Variants in PPIL4 observed in about 807,000 individuals in gnomAD.
PPIL4 encodes the protein peptidylprolyl isomerase like 4.
Under a neutral mutation model 69.1 loss-of-function variants are expected in PPIL4, and 50 were observed. The ratio of observed to expected loss-of-function variants is 0.72; its 90% CI spans 0.58 to 0.92. PPIL4 has a LOEUF of 0.92. Among genes scored for constraint, PPIL4 ranks in the 40% least tolerant of loss-of-function variants. PPIL4 has a pLI of 0.00. For synonymous variants in PPIL4, 193 were observed against 191.6 expected, an observed-to-expected ratio of 1.01 and a Z score of -0.06; for missense variants, 480 against 587.9, an observed-to-expected ratio of 0.82 and a Z score of 1.90.
chr6:149,508,905 A>G (rs1228607188), intron 12 of PPIL4, among the ~76,000 whole-genome samples: 1 of 152,228 alleles, frequency 6.6e-6, no homozygotes, highest in Non-Finnish European at 1.5e-5. Context: ...TAAGCAAAAC[A>G]CCGACAAACA....
chr6:149,545,959 A>C lies in PPIL4; in HGVS notation c.47T>G (p.Leu16Trp). 1 of 1,591,070 alleles carries C rather than the reference A, an allele frequency of 6.3e-7. No individual in the cohort carries two copies. Among genetic ancestry groups the C allele is most frequent in the Admixed American group, 1.7e-5 (1 of 58,342 alleles). ...ACCACGCGGCCGTTCTTCGGTGTAC[A>C]AGTCGATGACGACGTCGCCTAAAGT... ...ETTLGDVVID[L>W]YTEERPRACL... Residue 16 changes from leucine to tryptophan, a missense_variant, in exon 1 of 13, where the codon TTG becomes TGG. Coordinates refer to ENST00000253329, the MANE Select transcript of PPIL4 (RefSeq NM_139126.4).
chr6:149,530,366 G>A (rs1232431388), intron 7 of PPIL4, among the ~76,000 whole-genome samples: 1 of 152,084 alleles, frequency 6.6e-6, no homozygotes, highest in Non-Finnish European at 1.5e-5. Flanking sequence ...AAGCAGTTAA[G>A]AAGGGAGGGC....
chr6:149,538,522 C>T (rs952881341), intron 4 of PPIL4, among the ~76,000 whole-genome samples: 51 of 152,110 alleles, frequency 3.4e-4, no homozygotes, highest in African/African-American at 1.2e-3. Flanking sequence ...ATGGTGATTC[C>T]TCTGATGGAT....
At chr6:149,533,168 G>A (rs954449688) in intron 7 of PPIL4, among the ~76,000 whole-genome samples, 33 of 152,214 alleles carry the variant, frequency 2.2e-4, no homozygotes, top group Admixed American at 6.5e-4. Context: ...AATTCAGCCT[G>A]CTAAACACTC....
At chr6:149,509,432 T>C (rs898754985) in intron 12 of PPIL4, among the ~76,000 whole-genome samples, 1 of 152,122 alleles carries the variant, frequency 6.6e-6, no homozygotes, top group South Asian at 2.1e-4. Flanking sequence ...GACGGTTCCA[T>C]GTACAAGTGC....
chr6:149,512,158 A>C lies in PPIL4; in HGVS notation c.1224T>G (p.Asn408Lys). ...DEDYMPIKNT[N>K]QDIYREMGFG... The stretch of plus-strand genomic sequence containing the variant: ...TAAGTCTGGACATTAGAGGTACCTG[A>C]TTAGTATTTTTGATTGGCATGTAGT... The change falls in exon 12 of 13, where the codon AAT becomes AAG. Residue 408 changes from asparagine (N) to lysine (K), a missense_variant. Coordinates refer to ENST00000253329, the MANE Select transcript of PPIL4 (RefSeq NM_139126.4). 6.2e-7 allele frequency: 1 copy of C among 1,603,954 alleles called. No homozygotes were observed. Among genetic ancestry groups the C allele is most frequent in the Non-Finnish European group, 8.5e-7 (1 of 1,175,488 alleles).
intron 1 of PPIL4, among the ~76,000 whole-genome samples, chr6:149,543,863 A>G (rs907095516): frequency 1.1e-4 from 16 of 152,246 alleles, no homozygotes; most frequent in African/African-American, 3.4e-4. Flanking sequence ...GTTCATTTAC[A>G]TGATTCTCTC....
At chr6:149,540,415 G>T (rs1485822225) in intron 4 of PPIL4, among the ~76,000 whole-genome samples, 1 of 152,240 alleles carries the variant, frequency 6.6e-6, no homozygotes, top group Non-Finnish European at 1.5e-5. Flanking sequence ...ACGTGATTGA[G>T]ACCATCGTGG....
chr6:149,505,398 T>A lies in PPIL4; in HGVS notation c.*55A>T. The A allele has an allele frequency of 6.5e-7, 1 of 1,538,368 alleles. No individual in the cohort carries two copies. The highest frequency in any genetic ancestry group is 8.8e-7 in the Non-Finnish European group (1 of 1,139,402). On this transcript the variant is annotated 3_prime_UTR_variant, in exon 13 of 13. Transcript: ENST00000253329. ...ATCTAAGCATCTGCTTTCCTGGCACTCTTAAGTTAGACAAGAGTAAATATG... is the reference window on the plus strand; with the variant it reads ...ATCTAAGCATCTGCTTTCCTGGCACACTTAAGTTAGACAAGAGTAAATATG...
At position 149,525,029 on chromosome 6, in the gene PPIL4, G is replaced by A. The variant is rs945300114; in HGVS notation, c.870+114C>T. The A allele has an allele frequency of 1.5e-4, 80 of 525,464 alleles. No individual in the cohort carries two copies. In the Middle Eastern group the frequency reaches 1.5e-3, roughly 10 times the overall value. The allele number at this position is 525,464 out of a possible 1,614,324, so 32.6% of individuals were successfully genotyped here. ...TAGATACAATAAACTTAATTTTGGG[G>A]AGTGCCAAAAGAAAGGGCAACTCTA... is the stretch of plus-strand genomic sequence containing the variant. On this transcript the variant is annotated intron_variant, in intron 9 of 12. Transcript: ENST00000253329.
chr6:149,509,538 C>T (rs1409951596), intron 12 of PPIL4, among the ~76,000 whole-genome samples: 1 of 152,194 alleles, frequency 6.6e-6, no homozygotes, highest in African/African-American at 2.4e-5. Flanking sequence ...GAATGTGATA[C>T]AGCCACCAGT....
At chr6:149,523,714 A>G (rs114931783) in intron 9 of PPIL4, among the ~76,000 whole-genome samples, 57 of 152,262 alleles carry the variant, frequency 3.7e-4, no homozygotes, top group African/African-American at 1.3e-3. Flanking sequence ...GAAAAAAAAA[A>G]AAGAAGAAAA....
At chr6:149,530,445 G>C (rs753745670) in intron 7 of PPIL4, among the ~76,000 whole-genome samples, 27 of 152,036 alleles carry the variant, frequency 1.8e-4, no homozygotes, top group Non-Finnish European at 2.9e-4. Flanking sequence ...CAGATCACCA[G>C]GTCAGGAGTT....
Position 149,533,566 on chromosome 6 carries a change from T to G in PPIL4, c.570A>C (p.Arg190=), listed in dbSNP as rs1341345929. 6.3e-7 allele frequency: 1 copy of G among 1,593,022 alleles called. No homozygotes were observed. Among genetic ancestry groups the G allele is most frequent in the South Asian group, 1.1e-5 (1 of 90,504 alleles). ...CATCAATTTCTTCATCTGCTCCTAT[T>G]CGACCACTCTGTTAAGACAGAAGTT... The part of the protein sequence containing the change: ...EPTREQLDSG[R]IGADEEIDDF... The change falls in exon 7 of 13, where the codon CGA becomes CGC. Residue 190 remains arginine (R), a synonymous_variant. Coordinates refer to ENST00000253329, the MANE Select transcript of PPIL4 (RefSeq NM_139126.4).
At chr6:149,543,010 C>T (rs1336018431) in intron 1 of PPIL4, among the ~76,000 whole-genome samples, 4 of 152,100 alleles carry the variant, frequency 2.6e-5, no homozygotes, top group Admixed American at 6.6e-5. Flanking sequence ...AGGGGTGGTC[C>T]TTTTACTAGA....
chr6:149,545,284 C>G (rs991960947), intron 1 of PPIL4, among the ~76,000 whole-genome samples: 1 of 152,218 alleles, frequency 6.6e-6, no homozygotes, highest in Non-Finnish European at 1.5e-5. Flanking sequence ...CTTCCCACCC[C>G]CCACCAAAGA....
chr6:149,545,904 C>T (rs1777433482), intron 1 of PPIL4, 32 bp downstream of exon 1: 1 of 1,559,534 alleles, frequency 6.4e-7, no homozygotes, highest in Non-Finnish European at 8.7e-7. Context: ...CTCGGGGGCC[C>T]CGGCGACAGG....
chr6:149,519,782 CA>C (rs1028641925), intron 10 of PPIL4, among the ~76,000 whole-genome samples: 2 of 150,646 alleles, frequency 1.3e-5, no homozygotes, highest in African/African-American at 4.9e-5. Flanking sequence ...TAAAAACAGA[CA>C]AAAAAAACAG....
chr6:149,506,270 G>A (rs1391606124), intron 12 of PPIL4, among the ~76,000 whole-genome samples: 1 of 152,122 alleles, frequency 6.6e-6, no homozygotes, highest in Non-Finnish European at 1.5e-5. Flanking sequence ...CCTGAGGTCA[G>A]GAGTTCAAGA....
Sources: allele counts gnomAD v4.1 joint callset (sites outside exome capture counted in the v4.1 genomes callset), GRCh38; gene constraint gnomAD v4.1.1; transcripts MANE v1.5; gene names NCBI Gene and HGNC (gene_info 2026-07-23, HGNC 2026-07-21).